The following A1CF variants were observed in gnomAD, a reference collection of about 807,000 sequenced individuals.
The protein encoded by A1CF is APOBEC1 complementation factor.
Under a neutral mutation model 68.9 loss-of-function variants are expected in A1CF, and 48 were observed. The ratio of observed to expected loss-of-function variants is 0.70; its 90% confidence interval spans 0.55 to 0.89. The LOEUF (loss-of-function observed/expected upper bound fraction) is 0.89, where lower values mean the gene tolerates loss of function less well. Among genes scored for constraint, A1CF ranks in the 40% least tolerant of loss-of-function variants. A1CF has a pLI of 0.00. For missense variants in A1CF, 653 were observed against 718.9 expected, an observed-to-expected ratio of 0.91 and a Z score of 1.05; for synonymous variants, 272 against 260.4, an observed-to-expected ratio of 1.04 and a Z score of -0.43.
chr10:50,823,916 T>A (rs1838793489), intron 7 of A1CF: 1 of 152,248 alleles, frequency 6.6e-6, no homozygotes, highest in Middle Eastern at 3.4e-3. Context: ...ATTTTTAGAG[T>A]CATTTTTCTG....
rs191772602 is a variant in A1CF at position 50,810,701 on chromosome 10, G to A, written c.1460+339C>T. On this transcript the variant is annotated intron_variant, in intron 11 of 12. Coordinates refer to ENST00000373997, the MANE Select transcript of A1CF (RefSeq NM_014576.4). ...TAATTTTTGTATTTTTAGTAGAGAC[G>A]GGGTTTCACCATGTTGGCCAGGTTG... Among the ~76,000 whole-genome samples, 423 of 152,242 alleles carry A rather than the reference G, an allele frequency of 2.8e-3. 9 individuals are homozygous for A. The highest frequency in any genetic ancestry group is 1.4e-3 in the Non-Finnish European group (95 of 68,016).
chr10:50,848,480 C>T (rs1482990977), intron 3 of A1CF, among the ~76,000 whole-genome samples: 1 of 152,212 alleles, frequency 6.6e-6, no homozygotes, highest in Non-Finnish European at 1.5e-5. Context: ...TCCTGCTCAA[C>T]TTCACCAATC....
intron 6 of A1CF, among the ~76,000 whole-genome samples, chr10:50,828,924 A>T (rs1839102811): frequency 6.6e-6 from 1 of 152,184 alleles, no homozygotes; most frequent in Non-Finnish European, 1.5e-5. Context: ...GACATTTTCA[A>T]AAAGTCCTAA....
At chr10:50,847,187 A>G (rs1228838593) in intron 3 of A1CF, among the ~76,000 whole-genome samples, 1 of 152,204 alleles carries the variant, frequency 6.6e-6, no homozygotes, top group African/African-American at 2.4e-5. Flanking sequence ...CTAAAAGAAT[A>G]TAGATTTTTG....
At position 50,810,966 on chromosome 10, in the gene A1CF, A is replaced by G. The variant is rs150907341; in HGVS notation, c.1460+74T>C. On this transcript the variant is annotated intron_variant, in intron 11 of 12. Transcript: ENST00000373997. Reference sequence around the variant, plus strand: ...TAGTAGACCTCAGTATCTTGTTTAGATGGTGACTAAATGCATTTAATTTAT... The same window carrying G: ...TAGTAGACCTCAGTATCTTGTTTAGGTGGTGACTAAATGCATTTAATTTAT... 6.2e-6 allele frequency: 9 copies of G among 1,462,848 alleles called. No homozygotes were observed. The African/African-American group carries it at 1.1e-4, about 18-fold the overall frequency. The allele number at this position is 1,462,848 out of a possible 1,614,324, so 90.6% of individuals were successfully genotyped here.
intron 3 of A1CF, among the ~76,000 whole-genome samples, chr10:50,847,696 T>G (rs970350137): frequency 2.0e-5 from 3 of 152,204 alleles, no homozygotes; most frequent in African/African-American, 7.2e-5. Flanking sequence ...CTAGCCTTCC[T>G]TGCAGCTGGG....
At position 50,800,500 on chromosome 10, in the gene A1CF, T is replaced by C. The variant is rs575534345; in HGVS notation, c.*6229A>G. ...TCAGGTGTTGCAATTATATTCAATT[T>C]TGAAAAATGCAGAATGGACCATGGG... On this transcript the variant is annotated 3_prime_UTR_variant, in exon 13 of 13. Coordinates refer to ENST00000373997, the MANE Select transcript of A1CF (RefSeq NM_014576.4). The C allele has an allele frequency of 6.6e-6, 1 of 152,272 alleles. No individual in the cohort carries two copies. Among genetic ancestry groups the C allele is most frequent in the South Asian group, 2.1e-4 (1 of 4,826 alleles). 9.4% of individuals were successfully genotyped at this position (152,272 alleles called of 1,614,324 possible).
At chr10:50,845,828 C>A (rs1839973350) in intron 3 of A1CF, among the ~76,000 whole-genome samples, 1 of 151,972 alleles carries the variant, frequency 6.6e-6, no homozygotes, top group Non-Finnish European at 1.5e-5. Flanking sequence ...GTGGCACATG[C>A]CTGTAATTCC....
intron 1 of A1CF, among the ~76,000 whole-genome samples, chr10:50,870,983 G>A (rs775196560): frequency 6.6e-6 from 1 of 151,584 alleles, no homozygotes; most frequent in Non-Finnish European, 1.5e-5. Context: ...AAGAAAACAC[G>A]TGATCATCAC....
intron 1 of A1CF, among the ~76,000 whole-genome samples, chr10:50,865,705 T>C (rs1458201056): frequency 6.6e-6 from 1 of 152,210 alleles, no homozygotes; most frequent in East Asian, 1.9e-4. Flanking sequence ...CTCCTAACTT[T>C]GCCACATTGG....
In A1CF at chr10:50,833,990, C is replaced by A. The variant is rs368972669; in HGVS notation, c.604+2084G>T. On this transcript the variant is annotated intron_variant, in intron 6 of 12. Transcript: ENST00000373997. ...CTATGGCATATCCTGGACAGAGAAT[C>A]CACAAGGAAAAGTCAGGACTGTGGG... 3.3e-5 allele frequency among the ~76,000 whole-genome samples: 5 copies of A among 152,220 alleles called. No individual in the cohort carries two copies. The East Asian group carries it at 9.7e-4, about 29-fold the overall frequency.
chr10:50,819,629 C>G (rs745456129), intron 8 of A1CF, among the ~76,000 whole-genome samples: 12 of 152,090 alleles, frequency 7.9e-5, no homozygotes, highest in African/African-American at 2.9e-4. Context: ...ATGCCAGATC[C>G]GATAGGTAAC....
intron 12 of A1CF, among the ~76,000 whole-genome samples, 155 bp downstream of exon 12, chr10:50,809,739 G>C (rs1838005814): frequency 6.6e-6 from 1 of 152,298 alleles, no homozygotes; most frequent in African/African-American, 2.4e-5. Context: ...GTTTTAATGA[G>C]TCACTCATTT....
At chr10:50,861,696 T>C (rs1007986284) in intron 2 of A1CF, among the ~76,000 whole-genome samples, 5 of 147,846 alleles carry the variant, frequency 3.4e-5, no homozygotes, top group African/African-American at 1.2e-4. Context: ...AATATAGTAA[T>C]AGTAGTAGCA....
intron 5 of A1CF, among the ~76,000 whole-genome samples, chr10:50,837,026 G>C (rs1205733014): frequency 6.6e-6 from 1 of 152,024 alleles, no homozygotes; most frequent in Non-Finnish European, 1.5e-5. Flanking sequence ...GCAGTCGCTT[G>C]AGTTTGCAAC....
intron 7 of A1CF, among the ~76,000 whole-genome samples, chr10:50,823,251 A>AAT: frequency 6.6e-6 from 1 of 152,302 alleles, no homozygotes; most frequent in South Asian, 2.1e-4. Flanking sequence ...TTTTCTCTAC[A>AAT]ATAGTATTCA....
chr10:50,883,771 C>A (rs1841884932), intron 1 of A1CF, among the ~76,000 whole-genome samples: 1 of 152,170 alleles, frequency 6.6e-6, no homozygotes, highest in African/African-American at 2.4e-5. Flanking sequence ...TGTCATGAGT[C>A]CCCAGTGCTC....
chr10:50,822,756 G>A (rs575801474), intron 7 of A1CF: 4 of 152,256 alleles, frequency 2.6e-5, no homozygotes, highest in African/African-American at 9.6e-5. Context: ...AGTGTCACAT[G>A]GGGTGATGAT....
At chr10:50,827,842 T>A (rs2132391884) in intron 7 of A1CF, among the ~76,000 whole-genome samples, 1 of 151,680 alleles carries the variant, frequency 6.6e-6, no homozygotes, top group African/African-American at 2.4e-5. Flanking sequence ...AATCAGTGAA[T>A]CCAGGAGCTG....
Sources: allele counts gnomAD v4.1 joint callset (sites outside exome capture counted in the v4.1 genomes callset), GRCh38; gene constraint gnomAD v4.1.1; transcripts MANE v1.5; gene names NCBI Gene and HGNC (gene_info 2026-07-23, HGNC 2026-07-21).